INPP4A: variants seen among roughly 807,000 people sequenced by gnomAD.
The protein encoded by INPP4A is inositol polyphosphate-4-phosphatase, type I, 107kD.
In INPP4A, 33 loss-of-function variants were observed where a neutral mutation model predicts 119.8. That is an observed-to-expected ratio of 0.28 (90% confidence interval 0.21 to 0.37). The LOEUF (loss-of-function observed/expected upper bound fraction) is 0.37. INPP4A is among the 10% of genes least tolerant of loss of function. INPP4A has a pLI of 1.00. For missense variants in INPP4A, 956 were observed against 1,289.9 expected (o/e 0.74, Z 3.97); for synonymous variants, 496 against 500.7 (o/e 0.99, Z 0.12).
chr2:98,547,429 C>T (rs1216707739), intron 13 of INPP4A, among the ~76,000 whole-genome samples: 1 of 152,130 alleles, frequency 6.6e-6, no homozygotes, highest in South Asian at 2.1e-4. Context: ...ATCCACCCAG[C>T]CCCCAGGGGT....
At position 98,570,355 on chromosome 2, in the gene INPP4A, G is replaced by A. The variant is rs75206594; in HGVS notation, c.2518+1687G>A. ...GCGAGGAAGAAGGGACTCAACAGAA[G>A]GCGAGAGAGAGCATCACAGGCTAGC... is the stretch of plus-strand genomic sequence containing the variant. On this transcript the variant is annotated intron_variant, in intron 22 of 24. Coordinates refer to ENST00000409851, the MANE Select transcript of INPP4A (RefSeq NM_001134225.2). The surrounding 1 kb of genome is among the most constrained non-coding windows in gnomAD (Gnocchi z 4.3). Among the ~76,000 whole-genome samples the A allele has an allele frequency of 0.017, 2,660 of 152,296 alleles. 72 individuals carry two copies. The highest frequency in any genetic ancestry group is 0.061 in the African/African-American group (2,519 of 41,546).
chr2:98,497,149 G>A (rs1347092268), intron 1 of INPP4A, among the ~76,000 whole-genome samples: 1 of 152,224 alleles, frequency 6.6e-6, no homozygotes, highest in Non-Finnish European at 1.5e-5. Context: ...GGCTTCAGAG[G>A]GTGCAAGCCT....
chr2:98,564,496 C>A, intron 18 of INPP4A, 144 bp from the exon 19 acceptor site: 1 of 988,606 alleles, frequency 1.0e-6, no homozygotes, highest in Non-Finnish European at 1.5e-6. Context: ...CCCACCTGGG[C>A]TTCTCAAGGG....
At chr2:98,544,364 G>A (rs1692099185) in intron 11 of INPP4A, among the ~76,000 whole-genome samples, 1 of 152,206 alleles carries the variant, frequency 6.6e-6, no homozygotes, top group Admixed American at 6.5e-5. Flanking sequence ...TTGGACTAAT[G>A]TCAGTATAGG....
At chr2:98,453,427 A>G (rs1695559497) in intron 1 of INPP4A, among the ~76,000 whole-genome samples, 1 of 152,220 alleles carries the variant, frequency 6.6e-6, no homozygotes, top group South Asian at 2.1e-4. Flanking sequence ...GGGAAGGATA[A>G]GCATTTTTTG....
chr2:98,517,332 C>G (rs769466198), intron 1 of INPP4A, among the ~76,000 whole-genome samples: 2 of 152,202 alleles, frequency 1.3e-5, no homozygotes, highest in African/African-American at 2.4e-5. Flanking sequence ...TCTCTACAGG[C>G]TTTTGGTGAG....
chr2:98,559,967 A>G (rs1695170450), intron 17 of INPP4A, among the ~76,000 whole-genome samples: 3 of 152,236 alleles, frequency 2.0e-5, no homozygotes, highest in Admixed American at 2.0e-4. Flanking sequence ...AATCTTGTCC[A>G]CAGTCTGCTC....
chr2:98,565,330 T>A (rs543862384), intron 19 of INPP4A, among the ~76,000 whole-genome samples: 7 of 152,362 alleles, frequency 4.6e-5, no homozygotes, highest in African/African-American at 1.4e-4. Flanking sequence ...TTTCAAGAGC[T>A]GGCTTTGCTT....
chr2:98,515,285 C>T (rs1316488424), intron 1 of INPP4A, among the ~76,000 whole-genome samples: 1 of 152,218 alleles, frequency 6.6e-6, no homozygotes, highest in African/African-American at 2.4e-5. Flanking sequence ...AAAGTAGCCT[C>T]TTTCTTAGAG....
At chr2:98,586,108 C>T (rs748872344) in intron 24 of INPP4A, among the ~76,000 whole-genome samples, 2 of 152,198 alleles carry the variant, frequency 1.3e-5, no homozygotes, top group African/African-American at 2.4e-5. Flanking sequence ...CTCCTGTGGC[C>T]TAGGTGTTCA....
rs1696425962 is a variant in INPP4A at position 98,566,274 on chromosome 2, A to ATCCT, written c.2420+115_2420+118dup. ...CTCTAAGTGCTGGACAGACTTTGTCATCCTTCCTTCCTTTGGCCAACATTT... is the reference window on the plus strand; with the variant it reads ...CTCTAAGTGCTGGACAGACTTTGTCATCCTTCCTTCCTTCCTTTGGCCAACATTT... On this transcript the variant is annotated intron_variant, in intron 21 of 24. Coordinates refer to ENST00000409851, the MANE Select transcript of INPP4A (RefSeq NM_001134225.2). This position sits in a 1 kb window ranked among gnomAD's most constrained non-coding sequence, Gnocchi z 4.2. 8.0e-7 allele frequency: 1 copy of ATCCT among 1,249,850 alleles called. No homozygotes were observed. Among genetic ancestry groups the ATCCT allele is most frequent in the African/African-American group, 1.5e-5 (1 of 64,848 alleles). The allele number at this position is 1,249,850 out of a possible 1,614,324, so 77.4% of individuals were successfully genotyped here. A position where few individuals can be genotyped will look rare whatever the true frequency, so the allele number is the denominator to read the frequency against.
At chr2:98,574,140 T>TGAC (rs1697999132) in intron 23 of INPP4A, among the ~76,000 whole-genome samples, 4 of 152,144 alleles carry the variant, frequency 2.6e-5, no homozygotes, top group Non-Finnish European at 5.9e-5. Context: ...CTGGCATTGC[T>TGAC]TGCTCAGGCC....
chr2:98,552,017 T>C (rs1006772445), intron 13 of INPP4A, among the ~76,000 whole-genome samples: 4 of 152,090 alleles, frequency 2.6e-5, no homozygotes, highest in African/African-American at 9.7e-5. Context: ...TGGGAGGGGC[T>C]GGGCTGTAGG....
At chr2:98,518,482 G>A (rs925921719) in intron 1 of INPP4A, among the ~76,000 whole-genome samples, 1 of 152,262 alleles carries the variant, frequency 6.6e-6, no homozygotes, top group Non-Finnish European at 1.5e-5. Flanking sequence ...GGACTGAGTG[G>A]GGCCTGGGGG....
At chr2:98,462,829 G>T (rs1330297376) in intron 1 of INPP4A, among the ~76,000 whole-genome samples, 1 of 152,002 alleles carries the variant, frequency 6.6e-6, no homozygotes, top group Non-Finnish European at 1.5e-5. Flanking sequence ...CCAACACACA[G>T]ACATTTTATT....
chr2:98,548,959 G>A (rs1422251317), intron 13 of INPP4A: 7 of 1,611,608 alleles, frequency 4.3e-6, no homozygotes, highest in Middle Eastern at 1.6e-4. Flanking sequence ...TAGCAGTTTT[G>A]AGGAGTGTTG....
intron 17 of INPP4A, 99 bp from the exon 18 acceptor site, chr2:98,563,366 G>A: frequency 9.3e-7 from 1 of 1,073,892 alleles, no homozygotes. Context: ...GGGAGTGGGA[G>A]GACTGCAGTG....
chr2:98,506,308 T>G (rs1684030597), intron 1 of INPP4A, among the ~76,000 whole-genome samples: 1 of 152,246 alleles, frequency 6.6e-6, no homozygotes, highest in South Asian at 2.1e-4. Context: ...ACTGGACTAG[T>G]AAGGCCTGCC....
intron 1 of INPP4A, among the ~76,000 whole-genome samples, chr2:98,503,748 C>T (rs1426031122): frequency 6.6e-6 from 1 of 152,200 alleles, no homozygotes; most frequent in Non-Finnish European, 1.5e-5. Context: ...CATTTCAGGT[C>T]ATCAAACCAG....
Sources: allele counts gnomAD v4.1 joint callset (sites outside exome capture counted in the v4.1 genomes callset), GRCh38; gene constraint gnomAD v4.1.1; non-coding constraint Gnocchi (gnomAD v3.1); transcripts MANE v1.5; gene names NCBI Gene and HGNC (gene_info 2026-07-23, HGNC 2026-07-21).